ERC2: variants seen among roughly 807,000 people sequenced by gnomAD.
ERC2 encodes ELKS/RAB6-interacting/CAST family member 2.
A neutral mutation model predicts 114.8 loss-of-function variants in ERC2; 42 were observed. That is an observed-to-expected ratio of 0.37 (90% CI 0.29 to 0.47). The LOEUF (loss-of-function observed/expected upper bound fraction) is 0.47, where lower values mean the gene tolerates loss of function less well. Ranked by LOEUF, ERC2 falls within the 20% of genes least tolerant of loss-of-function variation. The probability of loss-of-function intolerance (pLI) is 0.99; values close to 1 mark genes in which losing one functional copy is unlikely to be tolerated. For synonymous variants in ERC2, 454 were observed against 425.5 expected, an observed-to-expected ratio of 1.07 and a Z score of -0.82; for missense variants, 939 against 1,150.7, an observed-to-expected ratio of 0.82 and a Z score of 2.66.
intron 14 of ERC2, among the ~76,000 whole-genome samples, chr3:55,851,188 T>TTTTTTTTTTTTTTTTTTTTTTGAG (rs1427189122): frequency 4.7e-4 from 70 of 147,966 alleles, no homozygotes; most frequent in South Asian, 1.2e-3. Context: ...ATGATTTTTT[T>TTTTTTTTTTTTTTTTTTTTTTGAG]AAGCCCATGC....
chr3:56,318,420 G>A (rs554557455), intron 2 of ERC2, among the ~76,000 whole-genome samples: 18 of 152,146 alleles, frequency 1.2e-4, no homozygotes, highest in South Asian at 4.2e-4. Context: ...CAAGTGACCC[G>A]GCCACCTTGT....
chr3:55,544,290 G>C (rs2054594716), intron 17 of ERC2, among the ~76,000 whole-genome samples: 1 of 152,078 alleles, frequency 6.6e-6, no homozygotes, highest in South Asian at 2.1e-4. Context: ...GACAGAAAAG[G>C]GCTGTCCTCC....
chr3:55,594,193 TAA>T (rs1278975902), intron 17 of ERC2, among the ~76,000 whole-genome samples: 8 of 152,170 alleles, frequency 5.3e-5, no homozygotes, highest in African/African-American at 1.9e-4. Flanking sequence ...GAAGAGTTGG[TAA>T]AGAGATGGCA....
chr3:55,732,270 C>T (rs1166038303), intron 15 of ERC2, among the ~76,000 whole-genome samples: 1 of 152,122 alleles, frequency 6.6e-6, no homozygotes, highest in African/African-American at 2.4e-5. Flanking sequence ...AATCATTGTT[C>T]TTAGAGTCAT....
In ERC2 at chr3:56,195,265, G is replaced by A. The variant is rs550947673; in HGVS notation, c.1075-21745C>T. On this transcript the variant is annotated intron_variant, in intron 3 of 17. Coordinates refer to ENST00000288221, the MANE Select transcript of ERC2 (RefSeq NM_015576.3). ...AGACAGCATGGAGACCCTGGACAAA[G>A]GGAAGATTCACGTCTTAGGTGGGAC... Among the ~76,000 whole-genome samples, 86 of 152,228 alleles carry A rather than the reference G, an allele frequency of 5.6e-4. 1 individual carries two copies. The South Asian group carries it at 0.017, about 30-fold the overall frequency.
At position 55,837,452 on chromosome 3, in the gene ERC2, C is replaced by T. The variant is rs1451046144; in HGVS notation, c.2564+50937G>A. 5.9e-5 allele frequency among the ~76,000 whole-genome samples: 9 copies of T among 152,042 alleles called. No individual in the cohort carries two copies. In the South Asian group the frequency reaches 1.5e-3, roughly 25 times the overall value. On this transcript the variant is annotated intron_variant, in intron 14 of 17. Transcript: ENST00000288221. ...AAAAATGATGAGTTCATGTCCTTTG[C>T]AGGGACATGGATGAAACTGGAAATC...
At chr3:55,810,648 C>T (rs2059686221) in intron 14 of ERC2, among the ~76,000 whole-genome samples, 1 of 152,098 alleles carries the variant, frequency 6.6e-6, no homozygotes, top group Admixed American at 6.6e-5. Flanking sequence ...TCAGTAGAGA[C>T]AGGGTTTCAC....
chr3:56,165,533 A>C (rs1177574205), intron 4 of ERC2, among the ~76,000 whole-genome samples: 1 of 144,850 alleles, frequency 6.9e-6, no homozygotes, highest in East Asian at 2.0e-4. Flanking sequence ...CATTGTATGA[A>C]TATTCCACTA....
chr3:55,556,968 T>A (rs572387838), intron 17 of ERC2, among the ~76,000 whole-genome samples: 1 of 152,338 alleles, frequency 6.6e-6, no homozygotes, highest in Admixed American at 6.5e-5. Flanking sequence ...GGCACTGCAC[T>A]CTGTTCACTA....
chr3:56,320,866 T>C (rs895963672), intron 2 of ERC2, among the ~76,000 whole-genome samples: 2 of 152,196 alleles, frequency 1.3e-5, no homozygotes, highest in Non-Finnish European at 2.9e-5. Context: ...CTCTATGGCT[T>C]AAAACAACAA....
intron 14 of ERC2, among the ~76,000 whole-genome samples, chr3:55,809,437 G>C (rs187042054): frequency 2.0e-5 from 3 of 152,130 alleles, no homozygotes; most frequent in Non-Finnish European, 4.4e-5. Flanking sequence ...AATCAACAGA[G>C]CGAAGAGACA....
rs553070414 is a variant in ERC2 at position 56,152,589 on chromosome 3, A to G, written c.1150-3457T>C. 5.4e-4 allele frequency among the ~76,000 whole-genome samples: 83 copies of G among 152,306 alleles called. 1 individual carries two copies. Among genetic ancestry groups the G allele is most frequent in the Non-Finnish European group, 1.0e-3 (69 of 68,018 alleles). On this transcript the variant is annotated intron_variant, in intron 4 of 17. Transcript: ENST00000288221. Reference sequence around the variant, plus strand: ...TCACGTCTCAGGCAATAGTTTTCAAACAGTCTCGAGATAGGGCAACCATGA... The same window carrying G: ...TCACGTCTCAGGCAATAGTTTTCAAGCAGTCTCGAGATAGGGCAACCATGA...
intron 7 of ERC2, among the ~76,000 whole-genome samples, chr3:56,047,041 C>T (rs1399022854): frequency 1.3e-5 from 2 of 152,154 alleles, no homozygotes; most frequent in Non-Finnish European, 2.9e-5. Flanking sequence ...AACATAAACC[C>T]GGGCTTCTTT....
At chr3:55,579,885 C>G (rs902627353) in intron 17 of ERC2, among the ~76,000 whole-genome samples, 1 of 152,208 alleles carries the variant, frequency 6.6e-6, no homozygotes, top group Non-Finnish European at 1.5e-5. Context: ...AGGCAATATA[C>G]TGTTACATTT....
Position 56,402,940 on chromosome 3 carries a change from G to C in ERC2, c.657+31411C>G, listed in dbSNP as rs192155355. Among the ~76,000 whole-genome samples, 282 of 152,240 alleles carry C rather than the reference G, an allele frequency of 1.9e-3. 1 individual carries two copies. The highest frequency in any genetic ancestry group is 3.1e-3 in the Non-Finnish European group (210 of 68,012). On this transcript the variant is annotated intron_variant, in intron 2 of 17. Transcript: ENST00000288221. Reference sequence around the variant, plus strand: ...CAAGGGACTCTTCTCAGCACTGTGGGATATTTAGCAGCATCCCTGGCCTCG... The same window carrying C: ...CAAGGGACTCTTCTCAGCACTGTGGCATATTTAGCAGCATCCCTGGCCTCG...
At chr3:55,597,858 T>C (rs1365920795) in intron 17 of ERC2, among the ~76,000 whole-genome samples, 2 of 152,236 alleles carry the variant, frequency 1.3e-5, no homozygotes, top group Non-Finnish European at 2.9e-5. Context: ...TCAGGATTAC[T>C]TGTGTTACAA....
At chr3:55,681,714 A>G (rs1008725498) in intron 17 of ERC2, among the ~76,000 whole-genome samples, 6 of 152,342 alleles carry the variant, frequency 3.9e-5, no homozygotes, top group Middle Eastern at 3.4e-3. Flanking sequence ...ATTTCTAAAA[A>G]CATTTATTTT....
At position 56,296,374 on chromosome 3, in the gene ERC2, T is replaced by G; in HGVS notation, c.719A>C (p.His240Pro). 6.2e-7 allele frequency: 1 copy of G among 1,613,756 alleles called. No homozygotes were observed. Among genetic ancestry groups the G allele is most frequent in the Non-Finnish European group, 8.5e-7 (1 of 1,179,836 alleles). The stretch of plus-strand genomic sequence containing the variant: ...GTTGCCACTCTCTTGCTGGAGGAGG[T>G]GGTTGAGGTCTCTCTGGGTTCGCAG... Reference protein sequence around the residue: ...DELRTQRDLNHLLQQESGNRG... With the variant: ...DELRTQRDLNPLLQQESGNRG... Residue 240 changes from histidine to proline, a missense_variant, in exon 3 of 18, where the codon CAC becomes CCC. His to Pro is a moderately conservative substitution (Grantham distance 77). Transcript: ENST00000288221.
At chr3:56,430,047 A>G (rs1453315351) in intron 2 of ERC2, among the ~76,000 whole-genome samples, 1 of 152,198 alleles carries the variant, frequency 6.6e-6, no homozygotes, top group Non-Finnish European at 1.5e-5. Flanking sequence ...CTTCCTATAC[A>G]AGAGCATTTC....
Sources: gnomAD v4.1 joint callset for allele counts (sites outside exome capture counted in the v4.1 genomes callset) on GRCh38, gnomAD v4.1.1 for gene constraint, MANE v1.5 for transcripts, NCBI Gene and HGNC (gene_info 2026-07-23, HGNC 2026-07-21) for gene names.